Variants in KCNIP1 observed in about 807,000 individuals in gnomAD.
KCNIP1 encodes potassium voltage-gated channel interacting protein 1.
A neutral mutation model predicts 33.0 loss-of-function variants in KCNIP1; 18 were observed. The ratio of observed to expected loss-of-function variants is 0.55; its 90% confidence interval spans 0.38 to 0.81. The LOEUF (loss-of-function observed/expected upper bound fraction) is 0.81. KCNIP1 is among the 30% of genes least tolerant of loss of function. The pLI is 0.00. For synonymous variants in KCNIP1, 93 were observed against 98.3 expected (o/e 0.95, Z 0.32); for missense variants, 238 against 271.6 (o/e 0.88, Z 0.87).
At chr5:170,701,638 T>C (rs966539964) in intron 1 of KCNIP1, among the ~76,000 whole-genome samples, 1 of 152,216 alleles carries the variant, frequency 6.6e-6, no homozygotes, top group African/African-American at 2.4e-5. Flanking sequence ...GGTTGCACCT[T>C]ACTCGCAGCC....
chr5:170,363,621 C>G (rs1055693883), intron 1 of KCNIP1, among the ~76,000 whole-genome samples: 2 of 152,174 alleles, frequency 1.3e-5, no homozygotes, highest in African/African-American at 4.8e-5. Flanking sequence ...CTGCGACATT[C>G]GATTATGGCA....
intron 5 of KCNIP1, among the ~76,000 whole-genome samples, chr5:170,726,240 T>C (rs1439043833): frequency 6.6e-6 from 1 of 152,126 alleles, no homozygotes; most frequent in Non-Finnish European, 1.5e-5. Context: ...CAAACCAATA[T>C]AAAGACTGGC....
At chr5:170,473,953 A>G (rs945133068) in intron 1 of KCNIP1, among the ~76,000 whole-genome samples, 1 of 152,158 alleles carries the variant, frequency 6.6e-6, no homozygotes, top group African/African-American at 2.4e-5. Context: ...AATTTAGAAA[A>G]TAATTAGACT....
chr5:170,623,034 C>T (rs1206758231), intron 1 of KCNIP1, among the ~76,000 whole-genome samples: 1 of 152,204 alleles, frequency 6.6e-6, no homozygotes, highest in Non-Finnish European at 1.5e-5. Context: ...AACCTAGATC[C>T]TTCGCATGCG....
At chr5:170,634,244 GC>G (rs1428893422) in intron 1 of KCNIP1, among the ~76,000 whole-genome samples, 6 of 152,204 alleles carry the variant, frequency 3.9e-5, no homozygotes, top group African/African-American at 1.4e-4. Flanking sequence ...GTTTGAGATG[GC>G]TGGGAGATAT....
rs542141409 is a variant in KCNIP1 at position 170,523,630 on chromosome 5, C to T, written c.61+18997C>T. ...CAGGAGGGGGTCCCCAGAGTTCTGACCTAATCCCTCTTCTTTACTCCCTGC... is the reference window on the plus strand; with the variant it reads ...CAGGAGGGGGTCCCCAGAGTTCTGATCTAATCCCTCTTCTTTACTCCCTGC... On this transcript the variant is annotated intron_variant, in intron 1 of 7. Transcript: ENST00000328939. Among the ~76,000 whole-genome samples the T allele has an allele frequency of 1.1e-3, 163 of 152,216 alleles. 2 individuals carry two copies. In the South Asian group the frequency reaches 0.011, roughly 10 times the overall value.
intron 1 of KCNIP1, among the ~76,000 whole-genome samples, chr5:170,480,420 C>G (rs1394104073): frequency 6.6e-6 from 1 of 151,666 alleles, no homozygotes; most frequent in Non-Finnish European, 1.5e-5. Context: ...CATTGGTATC[C>G]TTTTCTGAGA....
intron 1 of KCNIP1, among the ~76,000 whole-genome samples, chr5:170,542,241 T>A (rs1170071659): frequency 2.0e-5 from 3 of 152,162 alleles, no homozygotes; most frequent in Non-Finnish European, 2.9e-5. Flanking sequence ...AAAGATGGAT[T>A]GGAAAGTGTA....
At chr5:170,655,684 GC>G (rs1424079750) in intron 1 of KCNIP1, among the ~76,000 whole-genome samples, 1 of 152,168 alleles carries the variant, frequency 6.6e-6, no homozygotes, top group Non-Finnish European at 1.5e-5. Context: ...GACTTTCAGT[GC>G]TGGGACCATA....
intron 1 of KCNIP1, among the ~76,000 whole-genome samples, chr5:170,469,024 T>C (rs751561084): frequency 1.3e-5 from 2 of 152,168 alleles, no homozygotes; most frequent in African/African-American, 2.4e-5. Context: ...TGCATAAGCA[T>C]AGAATCTCTC....
chr5:170,550,648 GTAA>G (rs1756589342), intron 1 of KCNIP1, among the ~76,000 whole-genome samples: 1 of 150,586 alleles, frequency 6.6e-6, no homozygotes, highest in African/African-American at 2.5e-5. Context: ...GACAATGATG[GTAA>G]CAGTGATGAT....
chr5:170,566,622 A>G (rs189549620), intron 1 of KCNIP1, among the ~76,000 whole-genome samples: 34 of 152,334 alleles, frequency 2.2e-4, no homozygotes, highest in African/African-American at 8.2e-4. Flanking sequence ...CTCGTAGTCT[A>G]CATTGATAGA....
intron 1 of KCNIP1, among the ~76,000 whole-genome samples, chr5:170,481,546 A>G (rs780443827): frequency 2.3e-4 from 35 of 152,228 alleles, no homozygotes; most frequent in Non-Finnish European, 4.8e-4. Context: ...ATTTTTCTCA[A>G]TGAGATACTT....
At chr5:170,590,465 C>T (rs530566593) in intron 1 of KCNIP1, among the ~76,000 whole-genome samples, 43 of 152,110 alleles carry the variant, frequency 2.8e-4, no homozygotes, top group Non-Finnish European at 3.7e-4. Flanking sequence ...GAGGCTGACA[C>T]GTTTCTATCC....
intron 1 of KCNIP1, among the ~76,000 whole-genome samples, chr5:170,388,173 C>T (rs1351743214): frequency 6.6e-6 from 1 of 152,250 alleles, no homozygotes; most frequent in African/African-American, 2.4e-5. Context: ...TTCCCTGTCA[C>T]AGAGAAGTCT....
At chr5:170,483,041 C>T (rs1323739330) in intron 1 of KCNIP1, 1 of 451,886 alleles carries the variant, frequency 2.2e-6, no homozygotes, top group Non-Finnish European at 4.4e-6. Context: ...CCTTTCTTCC[C>T]TTTTGTTTCC....
intron 1 of KCNIP1, among the ~76,000 whole-genome samples, chr5:170,701,975 C>G (rs1042098377): frequency 1.3e-5 from 2 of 152,168 alleles, no homozygotes; most frequent in African/African-American, 4.8e-5. Context: ...CTTCGCTATC[C>G]TAAAACAGCG....
chr5:170,527,637 G>A (rs1172129263), intron 1 of KCNIP1, among the ~76,000 whole-genome samples: 5 of 151,402 alleles, frequency 3.3e-5, no homozygotes, highest in African/African-American at 7.3e-5. Flanking sequence ...GAAGACCCAT[G>A]GCAGGCTGTC....
intron 1 of KCNIP1, among the ~76,000 whole-genome samples, chr5:170,398,279 G>A (rs773010299): frequency 1.3e-5 from 2 of 152,178 alleles, no homozygotes; most frequent in African/African-American, 4.8e-5. Flanking sequence ...GTTTACGAAT[G>A]TTTGCACACT....
Sources: allele counts gnomAD v4.1 joint callset (sites outside exome capture counted in the v4.1 genomes callset), GRCh38; gene constraint gnomAD v4.1.1; transcripts MANE v1.5; gene names NCBI Gene and HGNC (gene_info 2026-07-23, HGNC 2026-07-21).